Variants in PEDS1 observed in about 807,000 individuals in gnomAD.
PEDS1 encodes CarF homolog.
Under a neutral mutation model 35.2 loss-of-function variants are expected in PEDS1, and 14 were observed. The ratio of observed to expected loss-of-function variants is 0.40; its 90% confidence interval spans 0.26 to 0.62. PEDS1 has a LOEUF of 0.62. Among genes scored for constraint, PEDS1 ranks in the 20% least tolerant of loss-of-function variants. The pLI, the probability that PEDS1 is intolerant of heterozygous loss-of-function variation, is 0.44. For missense variants in PEDS1, 260 were observed against 367.8 expected, an observed-to-expected ratio of 0.71 and a Z score of 2.40; for synonymous variants, 152 against 152.0, an observed-to-expected ratio of 1.00 and a Z score of 0.00.
At chr20:50,133,003 C>T (rs976204126) in intron 2 of PEDS1, among the ~76,000 whole-genome samples, 6 of 152,130 alleles carry the variant, frequency 3.9e-5, no homozygotes, top group Non-Finnish European at 8.8e-5. Flanking sequence ...AAACCCCTTC[C>T]CAGACTCGGT....
At chr20:50,137,320 C>T (rs1238464735) in intron 2 of PEDS1, among the ~76,000 whole-genome samples, 2 of 152,172 alleles carry the variant, frequency 1.3e-5, no homozygotes, top group East Asian at 3.9e-4. Context: ...GGATGACAGG[C>T]GTGAGCCACC....
chr20:50,143,747 G>T, intron 1 of PEDS1, 126 bp from the exon 2 acceptor site: 1 of 1,435,040 alleles, frequency 7.0e-7, no homozygotes, highest in Non-Finnish European at 9.2e-7. Flanking sequence ...ACCCAGGCTG[G>T]AGTGCAGTGG....
At chr20:50,150,547 TA>T in intron 1 of PEDS1, among the ~76,000 whole-genome samples, 1 of 152,236 alleles carries the variant, frequency 6.6e-6, no homozygotes, top group Middle Eastern at 3.4e-3. Context: ...GCCCCCTCCC[TA>T]AAATGTCATT....
Position 50,153,589 on chromosome 20 carries a change from C to G in PEDS1, c.49G>C (p.Asp17His). 7.0e-7 allele frequency: 1 copy of G among 1,427,822 alleles called. No individual in the cohort carries two copies. Among genetic ancestry groups the G allele is most frequent in the Non-Finnish European group, 9.2e-7 (1 of 1,084,384 alleles). The allele number at this position is 1,427,822 out of a possible 1,614,324, so 88.4% of individuals were successfully genotyped here. A position where few individuals can be genotyped will look rare whatever the true frequency, so the allele number is the denominator to read the frequency against. The part of the protein sequence containing the change: ...WPGQQLELDE[D>H]EASCCRWGAQ... The stretch of plus-strand genomic sequence containing the variant: ...CCCCAGCGGCAACAAGACGCCTCGT[C>G]CTCGTCCAGCTCCAGCTGCTGGCCC... The change falls in exon 1 of 6, where the codon GAC becomes CAC. Residue 17 changes from aspartate to histidine, a missense_variant. This residue lies in a region of PEDS1 where 114 missense variants were observed against 121.6 expected (regional missense o/e 0.94). Transcript: ENST00000371652.
At chr20:50,130,981 T>G in intron 2 of PEDS1, 34 bp from the exon 3 acceptor site, 2 of 1,614,162 alleles carry the variant, frequency 1.2e-6, no homozygotes, top group Non-Finnish European at 1.7e-6. Flanking sequence ...GGGACATCCC[T>G]GCACCCCCCC....
rs1183275467 is a variant in PEDS1, at chr20:50,123,055, C to T, written c.*2003G>A. 1.3e-5 allele frequency: 2 copies of T among 152,176 alleles called. No homozygotes were observed. Among genetic ancestry groups the T allele is most frequent in the African/African-American group, 4.8e-5 (2 of 41,432 alleles). The allele number at this position is 152,176 out of a possible 1,614,324, so 9.4% of individuals were successfully genotyped here. On this transcript the variant is annotated 3_prime_UTR_variant, in exon 6 of 6. Transcript: ENST00000371652. ...TGAGCTATTACACCTCACCTCTGCA[C>T]TTTAGCCTGGGTGACAGAGCATGAC...
rs536206986 is a variant in PEDS1, at chr20:50,146,545, T to C, written c.122-2924A>G. On this transcript the variant is annotated intron_variant, in intron 1 of 5. Coordinates refer to ENST00000371652, the MANE Select transcript of PEDS1 (RefSeq NM_199129.4). Reference sequence around the variant, plus strand: ...TGGGAAGGAAGTACTGGGTTCCCCATTTGTCATGATAGGGAAACTGAGGCT... The same window carrying C: ...TGGGAAGGAAGTACTGGGTTCCCCACTTGTCATGATAGGGAAACTGAGGCT... 1.3e-3 allele frequency among the ~76,000 whole-genome samples: 194 copies of C among 152,140 alleles called. No homozygotes were observed. In the Middle Eastern group the frequency reaches 0.037, roughly 29 times the overall value.
chr20:50,132,340 TTA>T (rs1271189197), intron 2 of PEDS1, among the ~76,000 whole-genome samples: 8 of 152,236 alleles, frequency 5.3e-5, no homozygotes, highest in Non-Finnish European at 1.2e-4. Context: ...TATTCCCACT[TTA>T]TAGAGGTGGA....
intron 2 of PEDS1, among the ~76,000 whole-genome samples, chr20:50,133,602 C>CG (rs1472368857): frequency 6.6e-6 from 1 of 151,974 alleles, no homozygotes; most frequent in Non-Finnish European, 1.5e-5. Context: ...GTGGAAGCCC[C>CG]AGAAGGGCTT....
At chr20:50,130,366 G>A (rs1404795383) in intron 3 of PEDS1, among the ~76,000 whole-genome samples, 1 of 152,198 alleles carries the variant, frequency 6.6e-6, no homozygotes, top group Non-Finnish European at 1.5e-5. Context: ...CTTATGAGGG[G>A]AAAGTAGAGA....
At chr20:50,145,313 T>G (rs1245209732) in intron 1 of PEDS1, among the ~76,000 whole-genome samples, 2 of 152,202 alleles carry the variant, frequency 1.3e-5, no homozygotes, top group Non-Finnish European at 2.9e-5. Context: ...GAGGATTGCT[T>G]GAGCCCAGGA....
At chr20:50,125,576 CTA>C (rs2081092857) in intron 5 of PEDS1, among the ~76,000 whole-genome samples, 1 of 142,890 alleles carries the variant, frequency 7.0e-6, no homozygotes, top group African/African-American at 2.6e-5. Flanking sequence ...ATCTATCTAT[CTA>C]TCTATCTATC....
intron 1 of PEDS1, among the ~76,000 whole-genome samples, chr20:50,148,850 C>T (rs916915198): frequency 6.6e-6 from 1 of 152,080 alleles, no homozygotes. Flanking sequence ...GCGGCTCATG[C>T]CTGTAATCCC....
chr20:50,124,876 AG>A lies in PEDS1; in HGVS notation c.*181del. 4 of 761,912 alleles carry A rather than the reference AG, an allele frequency of 5.2e-6. No homozygotes were observed. Among genetic ancestry groups the A allele is most frequent in the South Asian group, 4.0e-5 (2 of 49,652 alleles). The allele number at this position is 761,912 out of a possible 1,614,324, so 47.2% of individuals were successfully genotyped here. A position where few individuals can be genotyped will look rare whatever the true frequency, so the allele number is the denominator to read the frequency against. On this transcript the variant is annotated 3_prime_UTR_variant, in exon 6 of 6. Coordinates refer to ENST00000371652, the MANE Select transcript of PEDS1 (RefSeq NM_199129.4). ...GAGGGGCCGAGGAAAAAAAAAAAAA[AG>A]AAATGAAAAATCAGTGGCTCAAGTA...
chr20:50,130,048 G>A (rs1351421325), intron 3 of PEDS1, among the ~76,000 whole-genome samples: 2 of 152,168 alleles, frequency 1.3e-5, no homozygotes, highest in Non-Finnish European at 2.9e-5. Flanking sequence ...TGGACCCCCT[G>A]CACCTGCTGG....
intron 2 of PEDS1, among the ~76,000 whole-genome samples, chr20:50,141,137 G>A (rs1464453556): frequency 6.6e-6 from 1 of 152,176 alleles, no homozygotes; most frequent in Non-Finnish European, 1.5e-5. Flanking sequence ...AAACAGCCTG[G>A]CCTCCCAATG....
rs1483623946 is a variant in PEDS1, at chr20:50,121,247, C to T, written c.*3811G>A. 6.6e-6 allele frequency: 1 copy of T among 152,240 alleles called. No individual in the cohort carries two copies. Among genetic ancestry groups the T allele is most frequent in the African/African-American group, 2.4e-5 (1 of 41,428 alleles). The allele number at this position is 152,240 out of a possible 1,614,324, so 9.4% of individuals were successfully genotyped here. A position where few individuals can be genotyped will look rare whatever the true frequency, so the allele number is the denominator to read the frequency against. ...CATCCCAGTCCCCAGCGTCAGCGGC[C>T]CTTTCTCAGGCATGCTGCAGTTGCC... is the stretch of plus-strand genomic sequence containing the variant. On this transcript the variant is annotated 3_prime_UTR_variant, in exon 6 of 6. Coordinates refer to ENST00000371652, the MANE Select transcript of PEDS1 (RefSeq NM_199129.4).
At chr20:50,136,365 A>G (rs2081234211) in intron 2 of PEDS1, among the ~76,000 whole-genome samples, 1 of 152,204 alleles carries the variant, frequency 6.6e-6, no homozygotes. Flanking sequence ...CACTGGGAGC[A>G]TAACTTCCCA....
At chr20:50,144,567 T>C (rs1360005993) in intron 1 of PEDS1, among the ~76,000 whole-genome samples, 2 of 152,212 alleles carry the variant, frequency 1.3e-5, no homozygotes, top group African/African-American at 4.8e-5. Flanking sequence ...TGTTGCCACA[T>C]AGTTTTCACA....
Sources: allele counts gnomAD v4.1 joint callset (sites outside exome capture counted in the v4.1 genomes callset), GRCh38; gene constraint gnomAD v4.1.1; regional missense constraint gnomAD v4.1.1; transcripts MANE v1.5; gene names NCBI Gene and HGNC (gene_info 2026-07-23, HGNC 2026-07-21).